CNBD1: variants seen among roughly 807,000 people sequenced by gnomAD.
CNBD1 encodes the protein cyclic nucleotide binding domain containing 1, also known as cyclic nucleotide-binding domain-containing protein 1.
CNBD1 carries 71 observed loss-of-function variants against 54.4 expected under a neutral mutation model. The observed-to-expected ratio is 1.30, with a 90% CI of 1.08 to 1.59. CNBD1 has a LOEUF of 1.59. Ranked by LOEUF, CNBD1 falls within the 40% of genes most tolerant of loss-of-function variation. The probability of loss-of-function intolerance (pLI) is 0.00; values close to 1 mark genes in which losing one functional copy is unlikely to be tolerated. For missense variants in CNBD1, 659 were observed against 518.0 expected (o/e 1.27, Z -2.64); for synonymous variants, 182 against 170.7 (o/e 1.07, Z -0.51).
chr8:87,305,137 G>C (rs956009771), intron 8 of CNBD1, among the ~76,000 whole-genome samples: 13 of 151,870 alleles, frequency 8.6e-5, no homozygotes, highest in African/African-American at 3.1e-4. Context: ...ATAAAATCGA[G>C]AACTCAACAC....
Position 87,351,769 on chromosome 8 carries a change from T to A in CNBD1, c.1127T>A (p.Phe376Tyr). ...CCNIYRSIIG[F>Y]VKLRSNKVKR... is the part of the protein sequence containing the mutation. ...AACATTTATAGAAGTATTATAGGAT[T>A]TGTGAAACTACGATCAAATAAAGTG... The change falls in exon 9 of 11, where the codon TTT becomes TAT. Residue 376 changes from phenylalanine to tyrosine, a missense_variant. Coordinates refer to ENST00000518476, the MANE Select transcript of CNBD1 (RefSeq NM_173538.3). 2.0e-6 allele frequency: 3 copies of A among 1,513,698 alleles called. No individual in the cohort carries two copies. Among genetic ancestry groups the A allele is most frequent in the Non-Finnish European group, 2.6e-6 (3 of 1,136,516 alleles). The allele number at this position is 1,513,698 out of a possible 1,614,324, so 93.8% of individuals were successfully genotyped here.
intron 2 of CNBD1, among the ~76,000 whole-genome samples, chr8:86,899,334 A>C (rs1050445679): frequency 4.6e-5 from 7 of 150,618 alleles, no homozygotes; most frequent in South Asian, 2.1e-4. Flanking sequence ...TCTTGCCACA[A>C]AAAAAAAATG....
At chr8:87,037,012 A>G (rs1040666091) in intron 4 of CNBD1, among the ~76,000 whole-genome samples, 1 of 152,242 alleles carries the variant, frequency 6.6e-6, no homozygotes, top group Non-Finnish European at 1.5e-5. Context: ...TACTGAAGGC[A>G]GGATTTCTCT....
chr8:87,329,046 A>ATTT (rs71277934), intron 8 of CNBD1, among the ~76,000 whole-genome samples: 1 of 150,344 alleles, frequency 6.7e-6, no homozygotes, highest in Admixed American at 6.6e-5. Context: ...TAGGAGTTTT[A>ATTT]TTTTTTTTTA....
intron 4 of CNBD1, among the ~76,000 whole-genome samples, chr8:87,076,220 C>G (rs1431292005): frequency 6.6e-6 from 1 of 152,074 alleles, no homozygotes; most frequent in African/African-American, 2.4e-5. Context: ...TATTAAACTT[C>G]AGAGGAATGC....
intron 4 of CNBD1, among the ~76,000 whole-genome samples, chr8:87,039,814 G>A (rs928988853): frequency 7.2e-5 from 11 of 152,290 alleles, no homozygotes; most frequent in African/African-American, 2.6e-4. Context: ...TCCCTATGGA[G>A]ATGGAGTCTC....
chr8:86,903,865 ATT>A (rs10708085), intron 2 of CNBD1, among the ~76,000 whole-genome samples: 2,050 of 149,234 alleles, frequency 0.014, 24 homozygotes, highest in South Asian at 0.033. Context: ...TACAAACAGA[ATT>A]TTTTTTTTTT....
intron 3 of CNBD1, among the ~76,000 whole-genome samples, chr8:86,927,679 T>G (rs1809385967): frequency 6.6e-6 from 1 of 152,126 alleles, no homozygotes; most frequent in East Asian, 1.9e-4. Context: ...GCAAAGAGTA[T>G]GGTTAGTATA....
chr8:87,316,345 A>C (rs10102472), intron 8 of CNBD1, among the ~76,000 whole-genome samples: 1,711 of 151,992 alleles, frequency 0.011, 43 homozygotes, highest in African/African-American at 0.039. Context: ...ATAATTTTGA[A>C]AATATTTAGT....
At chr8:87,333,994 G>A (rs950654786) in intron 8 of CNBD1, among the ~76,000 whole-genome samples, 3 of 152,076 alleles carry the variant, frequency 2.0e-5, no homozygotes, top group Non-Finnish European at 4.4e-5. Flanking sequence ...AATCCATCTG[G>A]TCCTGGGTTT....
chr8:87,113,594 G>T (rs1811707944), intron 4 of CNBD1, among the ~76,000 whole-genome samples: 1 of 152,252 alleles, frequency 6.6e-6, no homozygotes, highest in East Asian at 1.9e-4. Flanking sequence ...ATTTAACACA[G>T]AAAGCTAATT....
intron 6 of CNBD1, among the ~76,000 whole-genome samples, chr8:87,243,525 C>T (rs1440162629): frequency 1.3e-5 from 2 of 152,116 alleles, no homozygotes; most frequent in East Asian, 3.9e-4. Flanking sequence ...TTTTACTTGT[C>T]TCTTCATTAT....
intron 4 of CNBD1, among the ~76,000 whole-genome samples, chr8:87,140,567 T>A (rs1024136535): frequency 6.6e-5 from 10 of 152,156 alleles, no homozygotes; most frequent in African/African-American, 2.4e-4. Flanking sequence ...TGATTTATTA[T>A]AATATTGTTA....
Position 87,382,685 on chromosome 8 carries a change from A to T in CNBD1, c.*58A>T. ...GAAAGTATTGACTAAATAATGGAAT[A>T]ATTGCATTCTGGAATACTATCAAAC... On this transcript the variant is annotated 3_prime_UTR_variant, in exon 11 of 11. Transcript: ENST00000518476. The T allele has an allele frequency of 7.8e-7, 1 of 1,280,002 alleles. No homozygotes were observed. Among genetic ancestry groups the T allele is most frequent in the East Asian group, 2.5e-5 (1 of 39,292 alleles). The allele number at this position is 1,280,002 out of a possible 1,614,324, so 79.3% of individuals were successfully genotyped here.
chr8:87,419,654 A>T (rs1450145931), intron 2 of CNBD1, among the ~76,000 whole-genome samples: 1 of 151,910 alleles, frequency 6.6e-6, no homozygotes, highest in African/African-American at 2.4e-5. Context: ...TGATACTGTA[A>T]TCCCAGGAAG....
At chr8:87,397,557 G>A (rs1811431858) in intron 2 of CNBD1, among the ~76,000 whole-genome samples, 1 of 151,896 alleles carries the variant, frequency 6.6e-6, no homozygotes, top group South Asian at 2.1e-4. Context: ...TTCTTGAAGA[G>A]TGCTAGAAAT....
chr8:87,253,441 G>A (rs567619600), intron 6 of CNBD1, among the ~76,000 whole-genome samples: 21 of 152,250 alleles, frequency 1.4e-4, no homozygotes, highest in South Asian at 2.1e-4. Flanking sequence ...CCTCTGGGTC[G>A]TGAGGTCTAG....
intron 10 of CNBD1, among the ~76,000 whole-genome samples, chr8:87,372,107 ATCT>A (rs1433309982): frequency 1.3e-5 from 2 of 152,208 alleles, no homozygotes; most frequent in South Asian, 2.1e-4. Context: ...TCAGCCCAAA[ATCT>A]TCTTAAGCTG....
intron 10 of CNBD1, among the ~76,000 whole-genome samples, chr8:87,354,709 A>T (rs887455016): frequency 7.9e-5 from 12 of 152,068 alleles, no homozygotes; most frequent in Non-Finnish European, 1.2e-4. Context: ...TTCCAGCTTC[A>T]TCCATGTCCC....
Sources: allele counts gnomAD v4.1 joint callset (sites outside exome capture counted in the v4.1 genomes callset), GRCh38; gene constraint gnomAD v4.1.1; transcripts MANE v1.5; gene names NCBI Gene and HGNC (gene_info 2026-07-23, HGNC 2026-07-21).